Variants in SAXO1 observed in about 807,000 individuals in gnomAD.
SAXO1 encodes stabilizer of axonemal microtubules 1.
In SAXO1, 21 loss-of-function variants were observed where a neutral mutation model predicts 17.5. The ratio of observed to expected loss-of-function variants is 1.20; its 90% CI spans 0.85 to 1.72. The LOEUF (loss-of-function observed/expected upper bound fraction) is 1.72, where lower values mean the gene tolerates loss of function less well. Ranked by LOEUF, SAXO1 falls within the 40% of genes most tolerant of loss-of-function variation. SAXO1 has a pLI of 0.00. For synonymous variants in SAXO1, 274 were observed against 216.5 expected, an observed-to-expected ratio of 1.27 and a Z score of -2.33; for missense variants, 843 against 596.0, an observed-to-expected ratio of 1.41 and a Z score of -4.32.
At chr9:18,950,619 T>G (rs1831992320) in intron 2 of SAXO1, 139 bp downstream of exon 2, 16 of 716,158 alleles carry the variant, frequency 2.2e-5, no homozygotes, top group Non-Finnish European at 3.1e-5. Context: ...ATATAGTACA[T>G]TAAGGCATTA....
In SAXO1 at chr9:18,928,339, G is replaced by A. The variant is rs1035337784; in HGVS notation, c.1138C>T (p.Pro380Ser). The change falls in exon 4 of 4, where the codon CCC becomes TCC. Residue 380 changes from proline to serine, a missense_variant. Coordinates refer to ENST00000380534, the MANE Select transcript of SAXO1 (RefSeq NM_153707.4). Reference protein sequence around the residue: ...CLTTTRAHYVPHLPINTKSCK... With the variant: ...CLTTTRAHYVSHLPINTKSCK... Reference sequence around the variant, plus strand: ...CTTTTGGTATTGATAGGCAGGTGGGGCACATAGTGGGCCCGAGTGGTGGTC... The same window carrying A: ...CTTTTGGTATTGATAGGCAGGTGGGACACATAGTGGGCCCGAGTGGTGGTC... 5 of 1,613,576 alleles carry A rather than the reference G, an allele frequency of 3.1e-6. No homozygotes were observed. Among genetic ancestry groups the A allele is most frequent in the Non-Finnish European group, 4.2e-6 (5 of 1,179,780 alleles).
chr9:18,930,321 G>A (rs565274007), intron 3 of SAXO1, among the ~76,000 whole-genome samples: 1 of 152,296 alleles, frequency 6.6e-6, no homozygotes, highest in African/African-American at 2.4e-5. Context: ...AAGGAAATCT[G>A]CAGTAGAGAT....
chr9:18,982,009 C>G (rs978067756), intron 1 of SAXO1, among the ~76,000 whole-genome samples: 29 of 152,186 alleles, frequency 1.9e-4, no homozygotes, highest in African/African-American at 6.8e-4. Flanking sequence ...CTCTCTAGGC[C>G]TCCCAGACCA....
At chr9:18,962,495 A>C (rs999414207) in intron 1 of SAXO1, among the ~76,000 whole-genome samples, 4 of 152,162 alleles carry the variant, frequency 2.6e-5, no homozygotes, top group African/African-American at 7.2e-5. Context: ...TGATGGGTGA[A>C]TTTGTTTAAG....
At chr9:18,933,113 A>C (rs1831126219) in intron 3 of SAXO1, among the ~76,000 whole-genome samples, 1 of 152,222 alleles carries the variant, frequency 6.6e-6, no homozygotes, top group South Asian at 2.1e-4. Flanking sequence ...TCTCAATCTT[A>C]GGGGGAAGCC....
At chr9:18,930,500 C>CTT (rs55974011) in intron 3 of SAXO1, among the ~76,000 whole-genome samples, 11 of 146,348 alleles carry the variant, frequency 7.5e-5, no homozygotes, top group East Asian at 2.0e-4. Context: ...ACTGCTGGAA[C>CTT]TTTTTTTTTT....
intron 1 of SAXO1, among the ~76,000 whole-genome samples, chr9:18,998,978 C>T (rs1381683718): frequency 6.6e-6 from 1 of 152,210 alleles, no homozygotes; most frequent in Non-Finnish European, 1.5e-5. Flanking sequence ...AAAGGAACAA[C>T]CAGTACCAGC....
chr9:19,007,881 G>T (rs976518649), intron 1 of SAXO1, among the ~76,000 whole-genome samples: 1 of 151,916 alleles, frequency 6.6e-6, no homozygotes, highest in African/African-American at 2.4e-5. Context: ...TTTATGTATT[G>T]TCTATGGCTA....
In SAXO1 at chr9:19,027,352, C is replaced by T. The variant is rs192536573; in HGVS notation, c.38+5519G>A. ...GAGACACTGCCCAGAGTACGACTCGCGGGTGAAGGCCACAGAGGTGGATGA... is the reference window on the plus strand; with the variant it reads ...GAGACACTGCCCAGAGTACGACTCGTGGGTGAAGGCCACAGAGGTGGATGA... On this transcript the variant is annotated intron_variant, in intron 1 of 3. Transcript: ENST00000380534. The T allele has an allele frequency of 1.8e-3, 1,399 of 780,490 alleles. 9 individuals carry two copies. Among genetic ancestry groups the T allele is most frequent in the Middle Eastern group, 7.5e-3 (33 of 4,376 alleles). 48.3% of individuals were successfully genotyped at this position (780,490 alleles called of 1,614,324 possible).
intron 2 of SAXO1, among the ~76,000 whole-genome samples, chr9:18,948,663 C>T (rs535444263): frequency 2.0e-5 from 3 of 152,152 alleles, no homozygotes; most frequent in African/African-American, 4.8e-5. Flanking sequence ...GGAGTTGCAT[C>T]TGGGGGCCTC....
intron 1 of SAXO1, among the ~76,000 whole-genome samples, chr9:18,984,799 T>G (rs1007112952): frequency 6.6e-6 from 1 of 152,236 alleles, no homozygotes; most frequent in African/African-American, 2.4e-5. Context: ...GAGTAGCACT[T>G]TGAATTTCTT....
chr9:19,040,084 C>T (rs1416855855), intron 1 of SAXO1, among the ~76,000 whole-genome samples: 1 of 152,140 alleles, frequency 6.6e-6, no homozygotes, highest in Admixed American at 6.5e-5. Flanking sequence ...AGGCACGGTG[C>T]ACTGTGAATC....
At chr9:18,944,054 A>C (rs1055702030) in intron 2 of SAXO1, among the ~76,000 whole-genome samples, 2 of 152,240 alleles carry the variant, frequency 1.3e-5, no homozygotes, top group African/African-American at 4.8e-5. Flanking sequence ...GCCCAAAACC[A>C]AATTCACCAG....
rs746455480 is a variant in SAXO1, at chr9:18,950,807, G to T, written c.169C>A (p.Arg57=). ...YLPRESFKPR[R]EYQKGPIPME... ...GGTATAGGCCCTTTCTGGTACTCCC[G>T]CCTTGGCTTGAAGGACTCTCTGGGC... Residue 57 remains arginine, a synonymous_variant, in exon 2 of 4, where the codon CGG becomes AGG. Coordinates refer to ENST00000380534, the MANE Select transcript of SAXO1 (RefSeq NM_153707.4). The T allele has an allele frequency of 6.2e-7, 1 of 1,613,538 alleles. No individual in the cohort carries two copies. The highest frequency in any genetic ancestry group is 8.5e-7 in the Non-Finnish European group (1 of 1,179,710).
In SAXO1 at chr9:18,950,831, G is replaced by T. The variant is rs1230719633; in HGVS notation, c.145C>A (p.Pro49Thr). 1.2e-6 allele frequency: 2 copies of T among 1,613,794 alleles called. No homozygotes were observed. Among genetic ancestry groups the T allele is most frequent in the East Asian group, 4.5e-5 (2 of 44,878 alleles). ...CGCCTTGGCTTGAAGGACTCTCTGG[G>T]CAGGTAGGAGTGATAGAAAGGGTAG... ...ENYPFYHSYL[P>T]RESFKPRREY... The change falls in exon 2 of 4, where the codon CCC becomes ACC. Residue 49 changes from proline to threonine, a missense_variant. Pro to Thr is a conservative substitution (Grantham distance 38). Transcript: ENST00000380534.
intron 1 of SAXO1, among the ~76,000 whole-genome samples, chr9:18,974,904 G>C (rs765312281): frequency 1.8e-4 from 27 of 152,214 alleles, no homozygotes; most frequent in Non-Finnish European, 5.9e-5. Flanking sequence ...ACAGGATATT[G>C]GTATAATATC....
At chr9:19,010,132 A>ATG (rs1252938735) in intron 1 of SAXO1, among the ~76,000 whole-genome samples, 14 of 117,486 alleles carry the variant, frequency 1.2e-4, no homozygotes, top group Non-Finnish European at 6.9e-5. Context: ...CCTGGCCTAC[A>ATG]TTTTTAATCT....
At chr9:18,993,716 A>G (rs1833900641) in intron 1 of SAXO1, among the ~76,000 whole-genome samples, 1 of 152,184 alleles carries the variant, frequency 6.6e-6, no homozygotes, top group African/African-American at 2.4e-5. Flanking sequence ...AGGCGAACCA[A>G]CAGTCATCAA....
intron 1 of SAXO1, among the ~76,000 whole-genome samples, chr9:19,042,491 T>A (rs1212162411): frequency 6.6e-6 from 1 of 152,224 alleles, no homozygotes; most frequent in African/African-American, 2.4e-5. Context: ...ATAGCTGCAC[T>A]CCTATGTTTG....
Sources: allele counts gnomAD v4.1 joint callset (sites outside exome capture counted in the v4.1 genomes callset), GRCh38; gene constraint gnomAD v4.1.1; transcripts MANE v1.5; gene names NCBI Gene and HGNC (gene_info 2026-07-23, HGNC 2026-07-21).